Variants in NAALADL2 observed in about 807,000 individuals in gnomAD.
NAALADL2 encodes inactive N-acetylated-alpha-linked acidic dipeptidase-like protein 2.
A neutral mutation model predicts 87.2 loss-of-function variants in NAALADL2; 76 were observed. The observed-to-expected ratio is 0.87, with a 90% CI of 0.72 to 1.05. The LOEUF is 1.05. NAALADL2 is among the 50% of genes least tolerant of loss of function. The pLI, the probability that NAALADL2 is intolerant of heterozygous loss-of-function variation, is 0.00. For missense variants in NAALADL2, 1,089 were observed against 945.8 expected, an observed-to-expected ratio of 1.15 and a Z score of -1.99; for synonymous variants, 354 against 331.0, an observed-to-expected ratio of 1.07 and a Z score of -0.75.
At chr3:174,482,861 T>C (rs527505516) in intron 1 of NAALADL2, among the ~76,000 whole-genome samples, 2 of 152,230 alleles carry the variant, frequency 1.3e-5, no homozygotes, top group East Asian at 3.9e-4. Flanking sequence ...TTCAGATTAA[T>C]GGCTGTAGCA....
intron 6 of NAALADL2, among the ~76,000 whole-genome samples, chr3:175,451,083 A>G (rs1721497698): frequency 1.3e-5 from 2 of 152,072 alleles, no homozygotes; most frequent in Non-Finnish European, 2.9e-5. Context: ...TATTTATATG[A>G]TTAGAGCCCT....
chr3:174,541,626 CT>C (rs1722236214), intron 1 of NAALADL2, among the ~76,000 whole-genome samples: 1 of 152,124 alleles, frequency 6.6e-6, no homozygotes, highest in Non-Finnish European at 1.5e-5. Context: ...AAAGCATTAA[CT>C]TGGCTCCATT....
chr3:174,964,007 C>G lies in NAALADL2; in HGVS notation c.43+104557C>G, dbSNP rs576874295. ...TACCATAATAATTTATTTCTCCATA[C>G]TTTTTCGCATGTTATTAAATCTTTT... On this transcript the variant is annotated intron_variant, in intron 1 of 13. Coordinates refer to ENST00000454872, the MANE Select transcript of NAALADL2 (RefSeq NM_207015.3). Among the ~76,000 whole-genome samples, 3 of 146,964 alleles carry G rather than the reference C, an allele frequency of 2.0e-5. No individual in the cohort carries two copies. The South Asian group carries it at 6.5e-4, about 32-fold the overall frequency.
intron 2 of NAALADL2, among the ~76,000 whole-genome samples, chr3:175,132,541 A>C (rs1728244257): frequency 1.7e-5 from 1 of 59,764 alleles, no homozygotes; most frequent in South Asian, 7.2e-4. Flanking sequence ...CCGGACGGGA[A>C]GAATGGCCGG....
intron 1 of NAALADL2, among the ~76,000 whole-genome samples, chr3:174,901,946 A>G (rs764676967): frequency 6.6e-6 from 1 of 152,196 alleles, no homozygotes; most frequent in Admixed American, 6.5e-5. Flanking sequence ...ATGATCCTCT[A>G]TTTTGGAAAA....
At chr3:174,717,415 C>T (rs918713476) in intron 2 of NAALADL2, among the ~76,000 whole-genome samples, 8 of 152,080 alleles carry the variant, frequency 5.3e-5, no homozygotes, top group African/African-American at 1.9e-4. Flanking sequence ...AATGTCATGC[C>T]GGTCTTTTTG....
chr3:175,455,711 G>C (rs1006657176), intron 6 of NAALADL2, among the ~76,000 whole-genome samples: 5 of 152,030 alleles, frequency 3.3e-5, no homozygotes, highest in African/African-American at 1.2e-4. Flanking sequence ...AGAGAATCTA[G>C]AAGCAGTTTA....
chr3:174,839,838 AT>A lies in NAALADL2; in HGVS notation c.-9+102093del, dbSNP rs199869947. On this transcript the variant is annotated intron_variant, in intron 3 of 3. Coordinates refer to the NAALADL2 transcript ENST00000434257. ...AACGAATGGCCATAATAAAAAAAAA[AT>A]AATAAAAAAAAATAGTTGTTCGCAT... 9.5e-3 allele frequency among the ~76,000 whole-genome samples: 1,438 copies of A among 150,930 alleles called. 20 individuals carry two copies. Among genetic ancestry groups the A allele is most frequent in the African/African-American group, 0.033 (1,358 of 40,564 alleles).
intron 1 of NAALADL2, among the ~76,000 whole-genome samples, chr3:174,996,814 A>G (rs544210836): frequency 2.0e-5 from 3 of 151,928 alleles, no homozygotes; most frequent in South Asian, 2.1e-4. Flanking sequence ...CAAGTCCCCA[A>G]AGTTTATTAT....
At chr3:175,110,016 AT>A (rs1723912723) in intron 2 of NAALADL2, among the ~76,000 whole-genome samples, 1 of 151,850 alleles carries the variant, frequency 6.6e-6, no homozygotes, top group African/African-American at 2.4e-5. Context: ...AAGTACAGTA[AT>A]TTATTTAAAG....
chr3:174,780,959 T>C (rs1715897304), intron 3 of NAALADL2, among the ~76,000 whole-genome samples: 2 of 152,116 alleles, frequency 1.3e-5, no homozygotes, highest in South Asian at 2.1e-4. Context: ...CAGGAGCTCA[T>C]GTAAGGCAGG....
chr3:175,086,600 G>A (rs1718973884), intron 1 of NAALADL2, among the ~76,000 whole-genome samples: 1 of 151,964 alleles, frequency 6.6e-6, no homozygotes, highest in African/African-American at 2.4e-5. Flanking sequence ...TTTCTTTGCG[G>A]CTCTTACATT....
chr3:175,140,758 A>G (rs1468465811), intron 2 of NAALADL2, among the ~76,000 whole-genome samples: 3 of 152,164 alleles, frequency 2.0e-5, no homozygotes, highest in African/African-American at 7.2e-5. Flanking sequence ...AGAGGTTTGG[A>G]CTTCATGGAA....
intron 11 of NAALADL2, among the ~76,000 whole-genome samples, chr3:175,719,583 C>G (rs9850831): frequency 6.6e-6 from 1 of 151,970 alleles, no homozygotes; most frequent in African/African-American, 2.4e-5. Flanking sequence ...TGAATATTTC[C>G]AAGATGATTT....
chr3:174,715,633 A>T (rs971869598), intron 2 of NAALADL2, among the ~76,000 whole-genome samples: 2 of 152,200 alleles, frequency 1.3e-5, no homozygotes, highest in Non-Finnish European at 2.9e-5. Flanking sequence ...GTTTCAAGAA[A>T]TGCTGTTTAT....
At chr3:174,945,529 C>T (rs755796447) in intron 1 of NAALADL2, among the ~76,000 whole-genome samples, 3 of 152,190 alleles carry the variant, frequency 2.0e-5, no homozygotes, top group Non-Finnish European at 4.4e-5. Flanking sequence ...CCCAAATTTC[C>T]TGGATTCCCT....
Position 175,016,450 on chromosome 3 carries a change from G to GT in NAALADL2, c.44-80334dup, listed in dbSNP as rs902524293. ...AAACAATACACACCATAAGATTCCA[G>GT]TTTTTTATATGAGTATATATGGTAA... On this transcript the variant is annotated intron_variant, in intron 1 of 13. Coordinates refer to ENST00000454872, the MANE Select transcript of NAALADL2 (RefSeq NM_207015.3). Among the ~76,000 whole-genome samples, 3 of 151,376 alleles carry GT rather than the reference G, an allele frequency of 2.0e-5. No homozygotes were observed. The South Asian group carries it at 6.2e-4, about 31-fold the overall frequency.
intron 11 of NAALADL2, among the ~76,000 whole-genome samples, chr3:175,722,790 AT>A: frequency 6.6e-6 from 1 of 152,236 alleles, no homozygotes; most frequent in Non-Finnish European, 1.5e-5. Context: ...CACATAGTAG[AT>A]TTTCAGTTAA....
chr3:175,504,264 A>C (rs1729958021), intron 9 of NAALADL2, among the ~76,000 whole-genome samples: 1 of 152,186 alleles, frequency 6.6e-6, no homozygotes, highest in Non-Finnish European at 1.5e-5. Flanking sequence ...CAAAGAGGGC[A>C]CTTCAGAGTT....
Sources: gnomAD v4.1 joint callset for allele counts (sites outside exome capture counted in the v4.1 genomes callset) on GRCh38, gnomAD v4.1.1 for gene constraint, MANE v1.5 for transcripts, NCBI Gene and HGNC (gene_info 2026-07-23, HGNC 2026-07-21) for gene names.